Variants in RHOQ observed in about 807,000 individuals in gnomAD.
RHOQ encodes the protein ras homolog family member Q, also known as rho-related GTP-binding protein RhoQ.
A neutral mutation model predicts 25.8 loss-of-function variants in RHOQ; 7 were observed. The ratio of observed to expected loss-of-function variants is 0.27; its 90% CI spans 0.15 to 0.51. The LOEUF (loss-of-function observed/expected upper bound fraction) is 0.51, where lower values mean the gene tolerates loss of function less well. Ranked by LOEUF, RHOQ falls within the 20% of genes least tolerant of loss-of-function variation. RHOQ has a pLI of 0.97. For missense variants in RHOQ, 165 were observed against 260.6 expected, an observed-to-expected ratio of 0.63 and a Z score of 2.53; for synonymous variants, 97 against 98.6, an observed-to-expected ratio of 0.98 and a Z score of 0.10.
chr2:46,546,527 TATATAC>T, intron 2 of RHOQ, among the ~76,000 whole-genome samples: 6 of 86,914 alleles, frequency 6.9e-5, no homozygotes, highest in African/African-American at 3.0e-4. Context: ...TACATATATA[TATATAC>T]ACAAATCCTT....
rs888685805 is a variant in RHOQ at position 46,542,576 on chromosome 2, G to C, written c.-471G>C. On this transcript the variant is annotated 5_prime_UTR_variant, in exon 1 of 5. Coordinates refer to ENST00000238738, the MANE Select transcript of RHOQ (RefSeq NM_012249.4). ...GGCCGCGCGGCGGCAGCAGGCGGGG[G>C]CGCGTGGCGCGGGCCGCGCTCGGGG... 6.8e-6 allele frequency: 1 copy of C among 147,134 alleles called. No individual in the cohort carries two copies. The highest frequency in any genetic ancestry group is 6.8e-5 in the Admixed American group (1 of 14,810). The allele number at this position is 147,134 out of a possible 1,614,324, so 9.1% of individuals were successfully genotyped here. A position where few individuals can be genotyped will look rare whatever the true frequency, so the allele number is the denominator to read the frequency against.
At chr2:46,560,466 A>C (rs1668539836) in intron 2 of RHOQ, 2 of 413,268 alleles carry the variant, frequency 4.8e-6, no homozygotes, top group Non-Finnish European at 9.9e-6. Flanking sequence ...ATAGTGGTGG[A>C]TATTCTGTTC....
At position 46,576,034 on chromosome 2, in the gene RHOQ, C is replaced by G; in HGVS notation, c.202-53C>G. 3 of 1,477,856 alleles carry G rather than the reference C, an allele frequency of 2.0e-6. No individual in the cohort carries two copies. The South Asian group carries it at 3.9e-5, about 19-fold the overall frequency. The allele number at this position is 1,477,856 out of a possible 1,614,324, so 91.5% of individuals were successfully genotyped here. On this transcript the variant is annotated intron_variant, in intron 2 of 4. Transcript: ENST00000238738. This position sits in a 1 kb window ranked among gnomAD's most constrained non-coding sequence, Gnocchi z 5.1. The stretch of plus-strand genomic sequence containing the variant: ...ACCATGTAATCTAATGTACATATTA[C>G]TAGTAAACAATAGAAATGTAAATAC...
intron 4 of RHOQ, chr2:46,580,433 G>T (rs1027511479): frequency 6.6e-6 from 1 of 152,362 alleles, no homozygotes; most frequent in Non-Finnish European, 1.5e-5. Flanking sequence ...GGATCTATCT[G>T]CCTGGAGCTC....
At chr2:46,567,395 CT>C (rs939218964) in intron 2 of RHOQ, among the ~76,000 whole-genome samples, 118 of 145,308 alleles carry the variant, frequency 8.1e-4, no homozygotes, top group Admixed American at 1.4e-3. Flanking sequence ...TCTTTTTCTT[CT>C]TTTTTTTTTT....
chr2:46,562,409 A>T (rs1428905857), intron 2 of RHOQ, among the ~76,000 whole-genome samples: 2 of 152,204 alleles, frequency 1.3e-5, no homozygotes, highest in African/African-American at 4.8e-5. Context: ...ATTTTCTTAT[A>T]AAGTTCTATT....
At chr2:46,580,821 T>C in intron 4 of RHOQ, 107 bp from the exon 5 acceptor site, 1 of 793,700 alleles carries the variant, frequency 1.3e-6, no homozygotes, top group Non-Finnish European at 1.9e-6. Context: ...GAATGTATTC[T>C]TTTTGCATAG....
chr2:46,571,904 C>T (rs1482378327), intron 2 of RHOQ, among the ~76,000 whole-genome samples: 2 of 152,054 alleles, frequency 1.3e-5, no homozygotes, highest in Non-Finnish European at 2.9e-5. Flanking sequence ...TAGGAGGGAA[C>T]ACCCAGGTCC....
At chr2:46,550,554 C>T (rs11683396) in intron 2 of RHOQ, among the ~76,000 whole-genome samples, 39,127 of 152,122 alleles carry the variant, frequency 0.26, 5,857 homozygotes, top group East Asian at 0.7. Flanking sequence ...TCCCAGATCC[C>T]CTGAGGAGGA....
At position 46,582,675 on chromosome 2, in the gene RHOQ, T is replaced by G. The variant is rs1267050115; in HGVS notation, c.*1592T>G. On this transcript the variant is annotated 3_prime_UTR_variant, in exon 5 of 5. Transcript: ENST00000238738. Reference sequence around the variant, plus strand: ...TTCTGTTAATTCACATGACTTGAGCTTATAGCTATGTCTACTGCACAGATT... The same window carrying G: ...TTCTGTTAATTCACATGACTTGAGCGTATAGCTATGTCTACTGCACAGATT... 2.0e-5 allele frequency: 3 copies of G among 152,666 alleles called. No homozygotes were observed. Among genetic ancestry groups the G allele is most frequent in the Non-Finnish European group, 1.5e-5 (1 of 68,030 alleles). The allele number at this position is 152,666 out of a possible 1,614,324, so 9.5% of individuals were successfully genotyped here.
chr2:46,573,471 T>G (rs1244841989), intron 2 of RHOQ, among the ~76,000 whole-genome samples: 3 of 152,244 alleles, frequency 2.0e-5, no homozygotes, highest in Non-Finnish European at 4.4e-5. Context: ...TATGTGTGTT[T>G]TATTTTTTAA....
chr2:46,544,550 G>T (rs1449297185), intron 2 of RHOQ, among the ~76,000 whole-genome samples: 1 of 152,220 alleles, frequency 6.6e-6, no homozygotes, highest in Non-Finnish European at 1.5e-5. Context: ...CTCTGGCCAG[G>T]GTTTGCACAT....
chr2:46,571,418 C>T (rs1668910343), intron 2 of RHOQ, among the ~76,000 whole-genome samples: 1 of 152,216 alleles, frequency 6.6e-6, no homozygotes, highest in South Asian at 2.1e-4. Flanking sequence ...CACTGCTGCA[C>T]ATTCAAGTGC....
rs75565383 is a variant in RHOQ at position 46,559,657 on chromosome 2, G to A, written c.201+15845G>A. On this transcript the variant is annotated intron_variant, in intron 2 of 4. Transcript: ENST00000238738. Reference sequence around the variant, plus strand: ...TCCTCCATTGATGGCAAACAGAAATGTCTCCAGATATTGCCAGATGTTCTC... The same window carrying A: ...TCCTCCATTGATGGCAAACAGAAATATCTCCAGATATTGCCAGATGTTCTC... 3.8e-3 allele frequency among the ~76,000 whole-genome samples: 581 copies of A among 152,244 alleles called. 8 individuals are homozygous for A. In the South Asian group the frequency reaches 0.041, roughly 11 times the overall value.
chr2:46,563,845 G>A (rs926069398), intron 2 of RHOQ, among the ~76,000 whole-genome samples: 1 of 151,772 alleles, frequency 6.6e-6, no homozygotes, highest in Non-Finnish European at 1.5e-5. Context: ...TGGAGACAGG[G>A]TCTCCCTATG....
At chr2:46,562,028 C>T (rs1371710091) in intron 2 of RHOQ, among the ~76,000 whole-genome samples, 1 of 152,128 alleles carries the variant, frequency 6.6e-6, no homozygotes, top group Non-Finnish European at 1.5e-5. Context: ...GAGACTCACA[C>T]GATTTGATTT....
At chr2:46,563,859 C>T (rs1183243684) in intron 2 of RHOQ, among the ~76,000 whole-genome samples, 1 of 151,888 alleles carries the variant, frequency 6.6e-6, no homozygotes, top group Admixed American at 6.5e-5. Context: ...CCCTATGTTG[C>T]CCAGGCTGGT....
Position 46,576,669 on chromosome 2 carries a change from TCA to T in RHOQ, c.462+16_462+17del. 6.7e-7 allele frequency: 1 copy of T among 1,501,100 alleles called. No individual in the cohort carries two copies. Among genetic ancestry groups the T allele is most frequent in the South Asian group, 1.2e-5 (1 of 84,870 alleles). The allele number at this position is 1,501,100 out of a possible 1,614,324, so 93.0% of individuals were successfully genotyped here. The stretch of plus-strand genomic sequence containing the variant: ...ACTAGCAAAAGAGGTAATGGAACAC[TCA>T]CAGAATTTAAGCATGAATGTAAAAG... On this transcript the variant is annotated intron_variant, in intron 4 of 4. Coordinates refer to ENST00000238738, the MANE Select transcript of RHOQ (RefSeq NM_012249.4). This position sits in a 1 kb window ranked among gnomAD's most constrained non-coding sequence, Gnocchi z 5.1.
chr2:46,553,770 G>A (rs1319511667), intron 2 of RHOQ, among the ~76,000 whole-genome samples: 1 of 151,996 alleles, frequency 6.6e-6, no homozygotes, highest in Non-Finnish European at 1.5e-5. Flanking sequence ...GTAGAGACAG[G>A]GTTTCACCAT....
Sources: gnomAD v4.1 joint callset for allele counts (sites outside exome capture counted in the v4.1 genomes callset) on GRCh38, gnomAD v4.1.1 for gene constraint, Gnocchi (gnomAD v3.1) non-coding constraint, MANE v1.5 for transcripts, NCBI Gene and HGNC (gene_info 2026-07-23, HGNC 2026-07-21) for gene names.